The following BTBD3 variants were observed in gnomAD, a reference collection of about 807,000 sequenced individuals.
BTBD3 encodes BTB/POZ domain-containing protein 3.
Under a neutral mutation model 41.6 loss-of-function variants are expected in BTBD3, and 14 were observed. That is an observed-to-expected ratio of 0.34 (90% CI 0.22 to 0.53). The LOEUF (loss-of-function observed/expected upper bound fraction) is 0.53, where lower values mean the gene tolerates loss of function less well. Ranked by LOEUF, BTBD3 falls within the 20% of genes least tolerant of loss-of-function variation. The pLI, the probability that BTBD3 is intolerant of heterozygous loss-of-function variation, is 0.95. For missense variants in BTBD3, 426 were observed against 654.7 expected (o/e 0.65, Z 3.81); for synonymous variants, 249 against 233.7 (o/e 1.07, Z -0.60).
intron 1 of BTBD3, among the ~76,000 whole-genome samples, chr20:11,900,833 G>A (rs1347317382): frequency 2.0e-5 from 3 of 150,888 alleles, no homozygotes; most frequent in South Asian, 2.1e-4. Flanking sequence ...TCAGCCTCCC[G>A]AGTAGCTGGG....
At chr20:11,910,625 G>A (rs900325303) in intron 1 of BTBD3, 1 of 152,158 alleles carries the variant, frequency 6.6e-6, no homozygotes, top group Admixed American at 6.5e-5. Context: ...ATCTTCTAAT[G>A]AGTCATTTAG....
Position 11,918,108 on chromosome 20 carries a change from G to A in BTBD3, c.-168G>A. 5 of 1,455,940 alleles carry A rather than the reference G, an allele frequency of 3.4e-6. No homozygotes were observed. The South Asian group carries it at 7.9e-5, about 23-fold the overall frequency. The allele number at this position is 1,455,940 out of a possible 1,614,324, so 90.2% of individuals were successfully genotyped here. ...GACCCAGTACTGGATAAAACTTAAAGCCAGTTTCTATTCAACATAGTGAAA... is the reference window on the plus strand; with the variant it reads ...GACCCAGTACTGGATAAAACTTAAAACCAGTTTCTATTCAACATAGTGAAA... On this transcript the variant is annotated 5_prime_UTR_variant, in exon 1 of 4. Transcript: ENST00000378226.
intron 1 of BTBD3, among the ~76,000 whole-genome samples, chr20:11,897,484 CAAAAAA>C (rs71186168): frequency 1.5e-5 from 1 of 65,366 alleles, no homozygotes; most frequent in Non-Finnish European, 2.7e-5. Context: ...GTTATTTAAG[CAAAAAA>C]AAAAAAAAAA....
chr20:11,919,187 G>T lies in BTBD3; in HGVS notation c.417+11G>T. 6.2e-7 allele frequency: 1 copy of T among 1,611,496 alleles called. No individual in the cohort carries two copies. On this transcript the variant is annotated intron_variant, in intron 2 of 3. Coordinates refer to ENST00000378226, the MANE Select transcript of BTBD3 (RefSeq NM_014962.4). Reference sequence around the variant, plus strand: ...TTGCCAGGACACAAAGTAAGCAACAGCTGCATGACCGGTTTAGTCCTGACG... The same window carrying T: ...TTGCCAGGACACAAAGTAAGCAACATCTGCATGACCGGTTTAGTCCTGACG...
chr20:11,913,733 C>G (rs2056902716), upstream of BTBD3: 1 of 152,312 alleles, frequency 6.6e-6, no homozygotes, highest in African/African-American at 2.4e-5. Context: ...TTTCAAACCT[C>G]ATTCAGGTCT....
rs2057014061 is a variant in BTBD3, at chr20:11,925,828, A to G, written c.*2162A>G. ...TCACTAACGCTCACTGTCAGTGCCC[A>G]TGTTTGCTAGCTGCCTCCATGTGAC... On this transcript the variant is annotated 3_prime_UTR_variant, in exon 4 of 4. Transcript: ENST00000378226. 1 of 152,624 alleles carries G rather than the reference A, an allele frequency of 6.6e-6. No homozygotes were observed. Among genetic ancestry groups the G allele is most frequent in the Admixed American group, 6.5e-5 (1 of 15,278 alleles). 9.5% of individuals were successfully genotyped at this position (152,624 alleles called of 1,614,324 possible).
intron 1 of BTBD3, among the ~76,000 whole-genome samples, chr20:11,898,430 A>G (rs540337315): frequency 2.6e-5 from 4 of 152,246 alleles, no homozygotes; most frequent in East Asian, 1.9e-4. Context: ...TCTAGTTACA[A>G]TTGCAATCTG....
At chr20:11,907,034 T>C (rs768918141) in intron 1 of BTBD3, among the ~76,000 whole-genome samples, 1 of 152,246 alleles carries the variant, frequency 6.6e-6, no homozygotes, top group Non-Finnish European at 1.5e-5. Context: ...TAAAATTCTT[T>C]ACTAGCACTA....
chr20:11,904,095 T>G (rs1263994248), intron 1 of BTBD3, among the ~76,000 whole-genome samples: 3 of 152,170 alleles, frequency 2.0e-5, no homozygotes, highest in Non-Finnish European at 4.4e-5. Flanking sequence ...AGAATTTTTT[T>G]TGTTAATAGC....
Position 11,923,251 on chromosome 20 carries a change from G to A in BTBD3, c.1154G>A (p.Ser385Asn). ...CGTTTCCAGTCGTGTGCCTATCGAA[G>A]CAACCAATGGCGCTATCGTGGTCGC... Reference protein sequence around the residue: ...CHRFQSCAYRSNQWRYRGRCD... With the variant: ...CHRFQSCAYRNNQWRYRGRCD... The change falls in exon 4 of 4, where the codon AGC (serine) becomes AAC (asparagine). Residue 385 changes from serine to asparagine, a missense_variant. By Grantham distance (46) the Ser-to-Asn change is conservative. This residue lies in a region of BTBD3 where 321 missense variants were observed against 534.8 expected (regional missense o/e 0.60). Transcript: ENST00000378226. The surrounding 1 kb of genome is among the most constrained non-coding windows in gnomAD (Gnocchi z 5.3). 1.9e-6 allele frequency: 3 copies of A among 1,614,226 alleles called. No individual in the cohort carries two copies. Among genetic ancestry groups the A allele is most frequent in the Non-Finnish European group, 2.5e-6 (3 of 1,180,040 alleles).
At chr20:11,896,278 G>T (rs1169426091) in intron 1 of BTBD3, among the ~76,000 whole-genome samples, 1 of 152,094 alleles carries the variant, frequency 6.6e-6, no homozygotes, top group Non-Finnish European at 1.5e-5. Flanking sequence ...GTTACTTTGT[G>T]ATGGGCTCTT....
chr20:11,919,307 C>T (rs1056513405), intron 2 of BTBD3, 131 bp downstream of exon 2: 11 of 1,305,570 alleles, frequency 8.4e-6, no homozygotes, highest in East Asian at 5.1e-5. Flanking sequence ...AGGGAGAGAG[C>T]GCACCCTCTC....
chr20:11,913,509 T>C (rs1316864916), upstream of BTBD3: 1 of 152,162 alleles, frequency 6.6e-6, no homozygotes, highest in African/African-American at 2.4e-5. Flanking sequence ...AATATGACAA[T>C]TGAGCATTCT....
chr20:11,919,900 A>T, intron 3 of BTBD3, 64 bp downstream of exon 3: 2 of 1,391,214 alleles, frequency 1.4e-6, no homozygotes, highest in Non-Finnish European at 2.0e-6. Flanking sequence ...TGCTGGTTTC[A>T]CAGTTAAATT....
rs551790718 is a variant in BTBD3 at position 11,923,946 on chromosome 20, G to A, written c.*280G>A. On this transcript the variant is annotated 3_prime_UTR_variant, in exon 4 of 4. Transcript: ENST00000378226. The surrounding 1 kb of genome is among the most constrained non-coding windows in gnomAD (Gnocchi z 5.3). ...GGGGAGATTATGTGCTTTCCCAAGC[G>A]TTCCACCACCCTCTCAGTTTTGTCC... 132 of 315,048 alleles carry A rather than the reference G, an allele frequency of 4.2e-4. No individual in the cohort carries two copies. In the Admixed American group the frequency reaches 4.4e-3, roughly 10 times the overall value. 19.5% of individuals were successfully genotyped at this position (315,048 alleles called of 1,614,324 possible). A position where few individuals can be genotyped will look rare whatever the true frequency, so the allele number is the denominator to read the frequency against.
chr20:11,897,039 A>G (rs2056791165), intron 1 of BTBD3, among the ~76,000 whole-genome samples: 1 of 152,094 alleles, frequency 6.6e-6, no homozygotes, highest in Non-Finnish European at 1.5e-5. Context: ...ATTCTTGAGG[A>G]CACCACACAC....
At chr20:11,921,902 A>G (rs945840608) in intron 3 of BTBD3, among the ~76,000 whole-genome samples, 3 of 152,172 alleles carry the variant, frequency 2.0e-5, no homozygotes, top group African/African-American at 7.2e-5. Context: ...GTATCCTGTG[A>G]AGTGTTTTAT....
intron 3 of BTBD3, 46 bp from the exon 4 acceptor site, chr20:11,922,588 A>T: frequency 1.3e-6 from 2 of 1,527,314 alleles, no homozygotes; most frequent in East Asian, 2.3e-5. Context: ...TGCTGGATGT[A>T]CTCATTTTGT....
At chr20:11,894,268 GT>G (rs1450822724) in intron 1 of BTBD3, among the ~76,000 whole-genome samples, 4 of 152,216 alleles carry the variant, frequency 2.6e-5, no homozygotes, top group African/African-American at 9.7e-5. Context: ...TTGTCTGAAA[GT>G]TTAAATATTT....
Sources: allele counts gnomAD v4.1 joint callset (sites outside exome capture counted in the v4.1 genomes callset), GRCh38; gene constraint gnomAD v4.1.1; regional missense constraint gnomAD v4.1.1; non-coding constraint Gnocchi (gnomAD v3.1); transcripts MANE v1.5; gene names NCBI Gene and HGNC (gene_info 2026-07-23, HGNC 2026-07-21).